The following CWH43 variants were observed in gnomAD, a reference collection of about 807,000 sequenced individuals.
The protein encoded by CWH43 is PGAP2-interacting protein.
In CWH43, 91 loss-of-function variants were observed where a neutral mutation model predicts 85.7. The ratio of observed to expected loss-of-function variants is 1.06; its 90% CI spans 0.90 to 1.26. CWH43 has a LOEUF of 1.26. Among genes scored for constraint, CWH43 ranks in the 50% most tolerant of loss-of-function variants. CWH43 has a pLI of 0.00. For missense variants in CWH43, 869 were observed against 839.2 expected (o/e 1.04, Z -0.44); for synonymous variants, 323 against 293.6 (o/e 1.10, Z -1.02).
At chr4:49,046,381 T>C (rs1300173907) in intron 14 of CWH43, among the ~76,000 whole-genome samples, 1 of 152,062 alleles carries the variant, frequency 6.6e-6, no homozygotes, top group Admixed American at 6.6e-5. Context: ...ATGTACTGGG[T>C]GTTGTTCTCG....
Position 49,062,011 on chromosome 4 carries a change from T to C in CWH43, c.*121T>C, listed in dbSNP as rs1785177259. On this transcript the variant is annotated 3_prime_UTR_variant, in exon 16 of 16. Coordinates refer to ENST00000226432, the MANE Select transcript of CWH43 (RefSeq NM_025087.3). ...GAAGAACCTCAACTTAAAAAACACA[T>C]GGTATCTATGCAGTGGGAAATTACC... 1 of 726,504 alleles carries C rather than the reference T, an allele frequency of 1.4e-6. No individual in the cohort carries two copies. Among genetic ancestry groups the C allele is most frequent in the Non-Finnish European group, 1.9e-6 (1 of 525,616 alleles). The allele number at this position is 726,504 out of a possible 1,614,324, so 45.0% of individuals were successfully genotyped here. A position where few individuals can be genotyped will look rare whatever the true frequency, so the allele number is the denominator to read the frequency against.
chr4:49,000,402 G>C (rs1577659570), intron 6 of CWH43, among the ~76,000 whole-genome samples: 1 of 152,262 alleles, frequency 6.6e-6, no homozygotes, highest in South Asian at 2.1e-4. Flanking sequence ...TTTTTTGATA[G>C]GCATTGTATT....
In CWH43 at chr4:48,986,314, A is replaced by AG; in HGVS notation, c.-112dup. ...CACTTGGCAACGGGACGCGGGAACG[A>AG]GGGGCGCGGACGCAGGCCCGGGAGG... On this transcript the variant is annotated 5_prime_UTR_variant, in exon 1 of 16. Coordinates refer to ENST00000226432, the MANE Select transcript of CWH43 (RefSeq NM_025087.3). 1.0e-6 allele frequency: 1 copy of AG among 998,190 alleles called. No individual in the cohort carries two copies. The highest frequency in any genetic ancestry group is 2.7e-5 in the Admixed American group (1 of 37,000). The allele number at this position is 998,190 out of a possible 1,614,324, so 61.8% of individuals were successfully genotyped here.
intron 12 of CWH43, among the ~76,000 whole-genome samples, chr4:49,036,712 T>C (rs1007728473): frequency 2.0e-5 from 3 of 152,234 alleles, no homozygotes. Context: ...CCACAGTCCC[T>C]TGCCTTCTGG....
intron 10 of CWH43, among the ~76,000 whole-genome samples, chr4:49,029,629 G>A (rs576192568): frequency 6.6e-6 from 1 of 152,244 alleles, no homozygotes; most frequent in Non-Finnish European, 1.5e-5. Flanking sequence ...ATGTCTTGGT[G>A]TAAAATCCAA....
At chr4:49,035,083 G>GAGTTA (rs1784225712) in intron 12 of CWH43, among the ~76,000 whole-genome samples, 1 of 152,128 alleles carries the variant, frequency 6.6e-6, no homozygotes, top group Non-Finnish European at 1.5e-5. Context: ...CCCAACAAGC[G>GAGTTA]ACATAGGAAA....
rs1157270359 is a variant in CWH43, at chr4:48,988,478, A to T, written c.45A>T (p.Gly15=). Residue 15 remains glycine (G), a splice_region_variant and synonymous_variant, in exon 2 of 16, where the codon GGA becomes GGT. Transcript: ENST00000226432. ...CTTTAACTTTTTTTTTTTTTGTAGG[A>T]TGTGTTTCTTGGTCTCTCTACCATG... ...WREILLESLL[G]CVSWSLYHDL... is the part of the protein sequence containing the mutation. 3 of 1,544,070 alleles carry T rather than the reference A, an allele frequency of 1.9e-6. No individual in the cohort carries two copies. Among genetic ancestry groups the T allele is most frequent in the South Asian group, 1.3e-5 (1 of 79,768 alleles).
intron 15 of CWH43, among the ~76,000 whole-genome samples, chr4:49,059,883 A>G (rs1173570767): frequency 6.6e-6 from 1 of 151,996 alleles, no homozygotes; most frequent in Non-Finnish European, 1.5e-5. Context: ...AGTCTGCAGG[A>G]GCCACCCTGG....
intron 14 of CWH43, among the ~76,000 whole-genome samples, chr4:49,046,130 A>T (rs1325071251): frequency 6.6e-6 from 1 of 152,068 alleles, no homozygotes; most frequent in Non-Finnish European, 1.5e-5. Flanking sequence ...CACAATCTAC[A>T]TTTCTTAGAA....
At chr4:49,008,322 TG>T (rs985836395) in intron 8 of CWH43, among the ~76,000 whole-genome samples, 4 of 147,698 alleles carry the variant, frequency 2.7e-5, no homozygotes, top group Non-Finnish European at 4.5e-5. Flanking sequence ...TGGAGTCGTT[TG>T]TTTTTTTTTT....
intron 8 of CWH43, chr4:49,016,600 G>A (rs898318210): frequency 1.4e-6 from 1 of 733,874 alleles, no homozygotes; most frequent in Non-Finnish European, 2.5e-6. Flanking sequence ...GGAAGGTACA[G>A]TTTGGATGAG....
chr4:49,006,256 GT>G (rs554100649), intron 7 of CWH43, among the ~76,000 whole-genome samples: 23 of 149,240 alleles, frequency 1.5e-4, no homozygotes, highest in African/African-American at 2.9e-4. Flanking sequence ...TGAACGATGA[GT>G]TTTTTTTTTA....
At chr4:49,008,587 C>G (rs965397352) in intron 8 of CWH43, among the ~76,000 whole-genome samples, 1 of 152,174 alleles carries the variant, frequency 6.6e-6, no homozygotes, top group African/African-American at 2.4e-5. Flanking sequence ...AGGTTTTCTT[C>G]TAGCGCTTTT....
intron 9 of CWH43, among the ~76,000 whole-genome samples, chr4:49,021,448 A>G (rs537580012): frequency 6.6e-4 from 100 of 152,134 alleles, no homozygotes; most frequent in Non-Finnish European, 1.2e-3. Context: ...TGTTTTTGTG[A>G]CTAGGGCTTT....
At chr4:48,989,881 C>A (rs533237483) in intron 2 of CWH43, among the ~76,000 whole-genome samples, 1 of 152,342 alleles carries the variant, frequency 6.6e-6, no homozygotes, top group East Asian at 1.9e-4. Flanking sequence ...AAGTTTCCTA[C>A]CCTTAACTGA....
At chr4:48,999,871 C>T (rs1782934474) in intron 6 of CWH43, among the ~76,000 whole-genome samples, 1 of 152,164 alleles carries the variant, frequency 6.6e-6, no homozygotes, top group South Asian at 2.1e-4. Context: ...CAGTTACACC[C>T]TTTAGGACCC....
chr4:49,012,291 C>T (rs769410386), intron 8 of CWH43, among the ~76,000 whole-genome samples: 5 of 152,282 alleles, frequency 3.3e-5, no homozygotes, highest in Non-Finnish European at 7.3e-5. Flanking sequence ...GCATGAATCA[C>T]GAAGTTCTTG....
At chr4:49,022,629 ATTC>A (rs777907657) in intron 9 of CWH43, among the ~76,000 whole-genome samples, 1 of 152,140 alleles carries the variant, frequency 6.6e-6, no homozygotes, top group South Asian at 2.1e-4. Flanking sequence ...ATTGGTACCA[ATTC>A]TTCTTTGAAT....
chr4:49,019,366 A>G (rs1175606278), intron 9 of CWH43, among the ~76,000 whole-genome samples: 1 of 152,010 alleles, frequency 6.6e-6, no homozygotes, highest in African/African-American at 2.4e-5. Context: ...GGCAGAAGGA[A>G]CACATATAAA....
Sources: gnomAD v4.1 joint callset for allele counts (sites outside exome capture counted in the v4.1 genomes callset) on GRCh38, gnomAD v4.1.1 for gene constraint, MANE v1.5 for transcripts, NCBI Gene and HGNC (gene_info 2026-07-23, HGNC 2026-07-21) for gene names.